CD226: variants seen among roughly 807,000 people sequenced by gnomAD.
CD226 encodes CD226 antigen.
A neutral mutation model predicts 34.9 loss-of-function variants in CD226; 24 were observed. That is an observed-to-expected ratio of 0.69 (90% CI 0.50 to 0.97). CD226 has a LOEUF of 0.97. Among genes scored for constraint, CD226 ranks in the 50% least tolerant of loss-of-function variants. The pLI, the probability that CD226 is intolerant of heterozygous loss-of-function variation, is 0.00. For missense variants in CD226, 397 were observed against 412.7 expected (o/e 0.96, Z 0.33); for synonymous variants, 148 against 147.4 (o/e 1.00, Z -0.03).
chr18:69,946,834 G>GA lies in CD226; in HGVS notation c.281dup (p.Phe95LeufsTer6). On this transcript the variant is annotated frameshift_variant, in exon 2 of 6. Coordinates refer to ENST00000582621, the MANE Select transcript of CD226 (RefSeq NM_001303618.2). LOFTEE classifies it high-confidence loss of function. ...CATCATCTTCAGAGGCATTCCGAAA[G>GA]AAAAGAGTCATGTTATTGGAAGCCA... 1 of 1,614,124 alleles carries GA rather than the reference G, an allele frequency of 6.2e-7. No individual in the cohort carries two copies. Among genetic ancestry groups the GA allele is most frequent in the Non-Finnish European group, 8.5e-7 (1 of 1,180,012 alleles).
Position 69,880,654 on chromosome 18 carries a change from T to C in CD226, c.728-7408A>G, listed in dbSNP as rs1021989052. Among the ~76,000 whole-genome samples, 12 of 2,540 alleles carry C rather than the reference T, an allele frequency of 4.7e-3. No homozygotes were observed. In the Admixed American group the frequency reaches 0.097, roughly 20 times the overall value. The allele number at this position is 2,540 out of a possible 152,430, so 1.7% of individuals were successfully genotyped here. A position where few individuals can be genotyped will look rare whatever the true frequency, so the allele number is the denominator to read the frequency against. On this transcript the variant is annotated intron_variant, in intron 3 of 5. Transcript: ENST00000582621. ...CGAGGGGAATAAGTCTTAAGATTTCTTTTTTTTTTTTTTTTGAGACAGAGT... is the reference window on the plus strand; with the variant it reads ...CGAGGGGAATAAGTCTTAAGATTTCCTTTTTTTTTTTTTTTGAGACAGAGT...
chr18:69,854,500 A>C lies in CD226; in HGVS notation c.*9814T>G, dbSNP rs76888481. 1.3e-5 allele frequency: 2 copies of C among 152,300 alleles called. No homozygotes were observed. Among genetic ancestry groups the C allele is most frequent in the Non-Finnish European group, 2.9e-5 (2 of 68,104 alleles). 9.4% of individuals were successfully genotyped at this position (152,300 alleles called of 1,614,324 possible). Reference sequence around the variant, plus strand: ...AGAAAAATTTCCTCGTGGCTCTGGCAACAGATAGAGAGGGACATCCATTGA... The same window carrying C: ...AGAAAAATTTCCTCGTGGCTCTGGCCACAGATAGAGAGGGACATCCATTGA... On this transcript the variant is annotated 3_prime_UTR_variant, in exon 6 of 6. Coordinates refer to ENST00000582621, the MANE Select transcript of CD226 (RefSeq NM_001303618.2).
chr18:69,916,186 G>C (rs1011688434), intron 2 of CD226, among the ~76,000 whole-genome samples: 1 of 152,110 alleles, frequency 6.6e-6, no homozygotes, highest in African/African-American at 2.4e-5. Context: ...ACTGATTTGT[G>C]ATTTATTTGT....
At chr18:69,925,076 G>A (rs1451468822) in intron 2 of CD226, among the ~76,000 whole-genome samples, 1 of 152,106 alleles carries the variant, frequency 6.6e-6, no homozygotes, top group Non-Finnish European at 1.5e-5. Context: ...TTCTCACCGG[G>A]AACAAAAATC....
chr18:69,897,047 T>C (rs753256225), intron 2 of CD226, among the ~76,000 whole-genome samples: 37 of 152,206 alleles, frequency 2.4e-4, no homozygotes, highest in Non-Finnish European at 4.7e-4. Context: ...CTTTAGGGGA[T>C]ATGCCAGTTC....
At chr18:69,882,590 A>G (rs553281023) in intron 3 of CD226, among the ~76,000 whole-genome samples, 1 of 152,302 alleles carries the variant, frequency 6.6e-6, no homozygotes, top group East Asian at 1.9e-4. Context: ...TTTTACCCAA[A>G]TATTTCTGAG....
At chr18:69,953,387 A>G (rs1210602179) in intron 1 of CD226, among the ~76,000 whole-genome samples, 3 of 152,256 alleles carry the variant, frequency 2.0e-5, no homozygotes, top group Non-Finnish European at 4.4e-5. Context: ...ACTCAGCCAT[A>G]AAAAGGAATG....
chr18:69,913,838 T>C (rs1389537108), intron 2 of CD226, among the ~76,000 whole-genome samples: 2 of 152,222 alleles, frequency 1.3e-5, no homozygotes, highest in Admixed American at 6.5e-5. Context: ...GGGCTTCAGA[T>C]GTGCTAAAAG....
At chr18:69,883,316 A>T (rs992545655) in intron 3 of CD226, among the ~76,000 whole-genome samples, 1 of 152,216 alleles carries the variant, frequency 6.6e-6, no homozygotes, top group African/African-American at 2.4e-5. Context: ...ATGGCAAAAA[A>T]TAGACTATGG....
Position 69,946,839 on chromosome 18 carries a change from G to C in CD226, c.277C>G (p.Leu93Val), listed in dbSNP as rs1458167588. ...TCTTCAGAGGCATTCCGAAAGAAAA[G>C]AGTCATGTTATTGGAAGCCATCGTT... Reference protein sequence around the residue: ...NSTMASNNMTLFFRNASEDDV... With the variant: ...NSTMASNNMTVFFRNASEDDV... The change falls in exon 2 of 6, where the codon CTT becomes GTT. Residue 93 changes from leucine (L) to valine (V), a missense_variant. Physicochemically the swap from Leu to Val is conservative, Grantham distance 32. Coordinates refer to ENST00000582621, the MANE Select transcript of CD226 (RefSeq NM_001303618.2). 1 of 1,614,110 alleles carries C rather than the reference G, an allele frequency of 6.2e-7. No homozygotes were observed. The highest frequency in any genetic ancestry group is 2.2e-5 in the East Asian group (1 of 44,882).
intron 2 of CD226, among the ~76,000 whole-genome samples, chr18:69,937,333 GT>G: frequency 6.6e-6 from 1 of 152,002 alleles, no homozygotes. Flanking sequence ...GAAAATAGCT[GT>G]CTATTTTCTA....
chr18:69,926,134 C>G (rs776633676), intron 2 of CD226, among the ~76,000 whole-genome samples: 9 of 152,028 alleles, frequency 5.9e-5, no homozygotes, highest in Non-Finnish European at 1.2e-4. Flanking sequence ...CAGAGTGAGA[C>G]TCCATCTCAA....
intron 5 of CD226, among the ~76,000 whole-genome samples, chr18:69,866,230 G>A (rs564654908): frequency 9.2e-5 from 14 of 152,268 alleles, no homozygotes; most frequent in Non-Finnish European, 1.8e-4. Flanking sequence ...TTAGGCATTA[G>A]GATTTCAACA....
rs1983648993 is a variant in CD226 at position 69,873,210 on chromosome 18, C to A, written c.764G>T (p.Gly255Val). 1 of 1,610,164 alleles carries A rather than the reference C, an allele frequency of 6.2e-7. No homozygotes were observed. The highest frequency in any genetic ancestry group is 1.3e-5 in the African/African-American group (1 of 74,760). ...AAACAACAACAATAAAACTGTCCCT[C>A]CAGCCACAAAGAGGGTATATTGGTT... The part of the protein sequence containing the change: ...TDNQYTLFVA[G>V]GTVLLLLFVI... The change falls in exon 4 of 6, where the codon GGA becomes GTA. Residue 255 changes from glycine (G) to valine (V), a missense_variant. Coordinates refer to ENST00000582621, the MANE Select transcript of CD226 (RefSeq NM_001303618.2).
At chr18:69,952,046 T>C (rs954830985), upstream of CD226, among the ~76,000 whole-genome samples, 2 of 152,174 alleles carry the variant, frequency 1.3e-5, no homozygotes, top group African/African-American at 2.4e-5. Flanking sequence ...AATGAAGGGT[T>C]AGATAAAGAA....
chr18:69,933,190 C>T (rs889244615), intron 2 of CD226, among the ~76,000 whole-genome samples: 3 of 152,144 alleles, frequency 2.0e-5, no homozygotes, highest in South Asian at 2.1e-4. Flanking sequence ...CATCATCCTC[C>T]GTGCTGTTGG....
chr18:69,903,399 G>T (rs1424934211), intron 2 of CD226, among the ~76,000 whole-genome samples: 1 of 152,136 alleles, frequency 6.6e-6, no homozygotes, highest in Admixed American at 6.5e-5. Context: ...AACATAGACA[G>T]CAATGACAGT....
At position 69,880,357 on chromosome 18, in the gene CD226, A is replaced by AAAGG. The variant is rs74177539; in HGVS notation, c.728-7115_728-7112dup. On this transcript the variant is annotated intron_variant, in intron 3 of 5. Coordinates refer to ENST00000582621, the MANE Select transcript of CD226 (RefSeq NM_001303618.2). ...GAAAGAAAGAAAGAAAGAAAGAAAG[A>AAAGG]AAGGAAGGAAGGAAGGAAGGAAGGG... 8.7e-4 allele frequency among the ~76,000 whole-genome samples: 78 copies of AAAGG among 89,644 alleles called. 1 individual carries two copies. The highest frequency in any genetic ancestry group is 2.8e-3 in the African/African-American group (76 of 27,018). 58.8% of individuals were successfully genotyped at this position (89,644 alleles called of 152,430 possible). A position where few individuals can be genotyped will look rare whatever the true frequency, so the allele number is the denominator to read the frequency against.
At chr18:69,938,332 T>G (rs778461424) in intron 2 of CD226, among the ~76,000 whole-genome samples, 13 of 152,170 alleles carry the variant, frequency 8.5e-5, no homozygotes, top group Non-Finnish European at 1.5e-4. Flanking sequence ...CCCTCTACAT[T>G]CTTTAACATG....
Sources: allele counts gnomAD v4.1 joint callset (sites outside exome capture counted in the v4.1 genomes callset), GRCh38; gene constraint gnomAD v4.1.1; transcripts MANE v1.5; gene names NCBI Gene and HGNC (gene_info 2026-07-23, HGNC 2026-07-21).